DLC1: variants seen among roughly 807,000 people sequenced by gnomAD.
DLC1 encodes rho GTPase-activating protein 7.
Under a neutral mutation model 140.3 loss-of-function variants are expected in DLC1, and 54 were observed. The ratio of observed to expected loss-of-function variants is 0.38; its 90% CI spans 0.31 to 0.48. The LOEUF (loss-of-function observed/expected upper bound fraction) is 0.48, where lower values mean the gene tolerates loss of function less well. DLC1 is among the 20% of genes least tolerant of loss of function. The pLI is 0.96. For missense variants in DLC1, 2,536 were observed against 1,907.0 expected, an observed-to-expected ratio of 1.33 and a Z score of -6.14; for synonymous variants, 986 against 728.1, an observed-to-expected ratio of 1.35 and a Z score of -5.70.
intron 4 of DLC1, among the ~76,000 whole-genome samples, chr8:13,374,558 G>A (rs1192347060): frequency 6.6e-6 from 1 of 152,192 alleles, no homozygotes. Flanking sequence ...GCCGAGGCGG[G>A]TGGATCATGA....
At chr8:13,103,055 A>G (rs1448137243) in intron 7 of DLC1, among the ~76,000 whole-genome samples, 1 of 152,194 alleles carries the variant, frequency 6.6e-6, no homozygotes, top group African/African-American at 2.4e-5. Context: ...TCACGCCTGT[A>G]ATCCCAGCAC....
chr8:13,448,563 A>G (rs1354590531), intron 2 of DLC1, among the ~76,000 whole-genome samples: 1 of 152,058 alleles, frequency 6.6e-6, no homozygotes, highest in Non-Finnish European at 1.5e-5. Flanking sequence ...AGATTTTGCC[A>G]TGTTGGCCAG....
intron 5 of DLC1, among the ~76,000 whole-genome samples, chr8:13,128,661 T>A (rs576529108): frequency 6.6e-6 from 1 of 152,160 alleles, no homozygotes; most frequent in East Asian, 1.9e-4. Context: ...TGAAACCCTG[T>A]TTCTACTAAA....
intron 5 of DLC1, among the ~76,000 whole-genome samples, chr8:13,237,096 CTCTTCT>C (rs1377339400): frequency 2.6e-5 from 4 of 151,374 alleles, no homozygotes; most frequent in Non-Finnish European, 5.9e-5. Flanking sequence ...GTGCTTATAT[CTCTTCT>C]GTTGTTTTGC....
rs561574791 is a variant in DLC1, at chr8:13,538,841, T to C, written c.-125-38645A>G. ...GTGAGCAAAATATTGCTTGAAGAAA[T>C]AGTCCTCTCTACTATCCCACAGTTC... is the stretch of plus-strand genomic sequence containing the variant. On this transcript the variant is annotated intron_variant, in intron 1 of 1. Transcript: ENST00000631382. Among the ~76,000 whole-genome samples, 12 of 152,284 alleles carry C rather than the reference T, an allele frequency of 7.9e-5. No homozygotes were observed. The East Asian group carries it at 2.1e-3, about 27-fold the overall frequency.
chr8:13,331,299 G>T (rs1022687612), intron 4 of DLC1, among the ~76,000 whole-genome samples: 8 of 152,162 alleles, frequency 5.3e-5, no homozygotes, highest in Non-Finnish European at 1.2e-4. Context: ...CGTTTGGGTG[G>T]CAATTCCAAT....
At chr8:13,118,666 C>G (rs992150613) in intron 5 of DLC1, among the ~76,000 whole-genome samples, 2 of 152,194 alleles carry the variant, frequency 1.3e-5, no homozygotes, top group Non-Finnish European at 2.9e-5. Flanking sequence ...AAAGTACTAA[C>G]AATCCAATGT....
At chr8:13,108,139 G>A (rs1305851647) in intron 7 of DLC1, among the ~76,000 whole-genome samples, 1 of 152,104 alleles carries the variant, frequency 6.6e-6, no homozygotes, top group African/African-American at 2.4e-5. Context: ...TCTCGAAAGG[G>A]GCATCATTTT....
At chr8:13,358,779 G>C (rs1433522147) in intron 4 of DLC1, among the ~76,000 whole-genome samples, 1 of 152,062 alleles carries the variant, frequency 6.6e-6, no homozygotes, top group Non-Finnish European at 1.5e-5. Context: ...AAGCACTAGA[G>C]ATGGCCATTT....
At position 13,445,331 on chromosome 8, in the gene DLC1, G is replaced by A. The variant is rs947654465; in HGVS notation, c.1024-43712C>T. On this transcript the variant is annotated intron_variant, in intron 2 of 17. Transcript: ENST00000276297. ...TTGGAGGAGATGTGGGAGGATAAACGAATGATCTGAGGAAGGAAGCAGGAA... is the reference window on the plus strand; with the variant it reads ...TTGGAGGAGATGTGGGAGGATAAACAAATGATCTGAGGAAGGAAGCAGGAA... Among the ~76,000 whole-genome samples, 4 of 152,174 alleles carry A rather than the reference G, an allele frequency of 2.6e-5. 1 individual carries two copies. In the South Asian group the frequency reaches 8.3e-4, roughly 32 times the overall value.
chr8:13,173,952 T>G (rs561393283), intron 5 of DLC1, among the ~76,000 whole-genome samples: 8 of 152,274 alleles, frequency 5.3e-5, no homozygotes, highest in African/African-American at 1.9e-4. Flanking sequence ...GTATGAACGA[T>G]CTCATCACCC....
chr8:13,166,039 A>T lies in DLC1; in HGVS notation c.1349-50382T>A, dbSNP rs73663616. ...AAGAGGTTGTATTTCCACATCTTAA[A>T]GTATATGGCCACAAAACCTATTCCC... On this transcript the variant is annotated intron_variant, in intron 5 of 17. Transcript: ENST00000276297. Among the ~76,000 whole-genome samples, 1,283 of 152,308 alleles carry T rather than the reference A, an allele frequency of 8.4e-3. 18 individuals are homozygous for T. Among genetic ancestry groups the T allele is most frequent in the African/African-American group, 0.029 (1,187 of 41,554 alleles).
At chr8:13,249,293 G>T (rs1829902332) in intron 5 of DLC1, among the ~76,000 whole-genome samples, 1 of 152,034 alleles carries the variant, frequency 6.6e-6, no homozygotes, top group Admixed American at 6.6e-5. Flanking sequence ...GGCCAGGCTG[G>T]TCTCCAACTC....
intron 5 of DLC1, among the ~76,000 whole-genome samples, chr8:13,130,443 T>C (rs1388642192): frequency 6.6e-6 from 1 of 152,360 alleles, no homozygotes; most frequent in Non-Finnish European, 1.5e-5. Flanking sequence ...CCTCTTTTAA[T>C]GTAGAAATGC....
intron 8 of DLC1, among the ~76,000 whole-genome samples, chr8:13,101,503 A>G (rs1245800057): frequency 6.6e-6 from 1 of 152,188 alleles, no homozygotes; most frequent in Non-Finnish European, 1.5e-5. Flanking sequence ...TAGTTTTCAA[A>G]CACTAAGAAG....
At chr8:13,245,788 C>A (rs954740154) in intron 5 of DLC1, among the ~76,000 whole-genome samples, 3 of 152,150 alleles carry the variant, frequency 2.0e-5, no homozygotes, top group Non-Finnish European at 2.9e-5. Context: ...ACAACCTCAG[C>A]TCCCTGGGTT....
At chr8:13,086,534 C>A in intron 16 of DLC1, 71 bp from the exon 17 acceptor site, 1 of 1,560,088 alleles carries the variant, frequency 6.4e-7, no homozygotes, top group South Asian at 1.2e-5. Flanking sequence ...GTGCTTCACT[C>A]TTCACTATTT....
At chr8:13,161,867 C>T (rs532702569) in intron 5 of DLC1, among the ~76,000 whole-genome samples, 5 of 152,208 alleles carry the variant, frequency 3.3e-5, no homozygotes, top group Non-Finnish European at 7.4e-5. Flanking sequence ...AATCAATATT[C>T]GTAGTATTTT....
chr8:13,312,708 A>C (rs529207558), intron 4 of DLC1, among the ~76,000 whole-genome samples: 1 of 152,238 alleles, frequency 6.6e-6, no homozygotes, highest in East Asian at 1.9e-4. Flanking sequence ...TGTCTATATT[A>C]TATATATCTC....
Sources: allele counts gnomAD v4.1 joint callset (sites outside exome capture counted in the v4.1 genomes callset), GRCh38; gene constraint gnomAD v4.1.1; transcripts MANE v1.5; gene names NCBI Gene and HGNC (gene_info 2026-07-23, HGNC 2026-07-21).